The following SORBS2 variants were observed in gnomAD, a reference collection of about 807,000 sequenced individuals.
The protein encoded by SORBS2 is sorbin and SH3 domain containing 2.
In SORBS2, 46 loss-of-function variants were observed where a neutral mutation model predicts 97.7. The ratio of observed to expected loss-of-function variants is 0.47; its 90% CI spans 0.37 to 0.60. The LOEUF is 0.60. Among genes scored for constraint, SORBS2 ranks in the 20% least tolerant of loss-of-function variants. The pLI is 0.00. For missense variants in SORBS2, 1,316 were observed against 1,282.3 expected (o/e 1.03, Z -0.40); for synonymous variants, 476 against 473.4 (o/e 1.01, Z -0.07).
At chr4:185,876,589 T>C (rs574949344) in intron 1 of SORBS2, among the ~76,000 whole-genome samples, 17 of 152,248 alleles carry the variant, frequency 1.1e-4, no homozygotes, top group African/African-American at 3.9e-4. Context: ...AGAAAAGCAT[T>C]GGTTTAAGAT....
Position 185,607,294 on chromosome 4 carries a change from T to A in SORBS2, c.2796+4486A>T. On this transcript the variant is annotated intron_variant, in intron 12 of 14. Coordinates refer to ENST00000418609, the Ensembl canonical transcript of SORBS2. The surrounding 1 kb of genome is among the most constrained non-coding windows in gnomAD (Gnocchi z 5.2). ...GCCAGTTCCCTGGAGAGCTCCTTTA[T>A]CTGAGCCAGGTGAGACTTTGTGGGT... The A allele has an allele frequency of 1.6e-6, 2 of 1,284,248 alleles. No homozygotes were observed. The highest frequency in any genetic ancestry group is 1.0e-6 in the Non-Finnish European group (1 of 986,544). 79.6% of individuals were successfully genotyped at this position (1,284,248 alleles called of 1,614,324 possible). A position where few individuals can be genotyped will look rare whatever the true frequency, so the allele number is the denominator to read the frequency against.
At chr4:185,953,967 C>T (rs1351448947) in intron 1 of SORBS2, among the ~76,000 whole-genome samples, 3 of 152,228 alleles carry the variant, frequency 2.0e-5, no homozygotes, top group African/African-American at 7.2e-5. Context: ...GGGAGACGTC[C>T]TTTCTTTTGC....
intron 4 of SORBS2, chr4:185,666,034 G>C (rs543953057): frequency 2.3e-5 from 30 of 1,289,550 alleles, no homozygotes; most frequent in South Asian, 4.9e-5. Context: ...CACACCATCG[G>C]GGGGCGGAAG....
At chr4:185,790,497 C>T (rs1244705432) in intron 1 of SORBS2, among the ~76,000 whole-genome samples, 1 of 152,144 alleles carries the variant, frequency 6.6e-6, no homozygotes, top group Non-Finnish European at 1.5e-5. Flanking sequence ...TGAATAAGGA[C>T]TCTAAACTTC....
intron 2 of SORBS2, among the ~76,000 whole-genome samples, chr4:185,687,630 C>T (rs1040117172): frequency 4.6e-5 from 7 of 152,100 alleles, no homozygotes; most frequent in Non-Finnish European, 1.0e-4. Flanking sequence ...GAAGAAATTA[C>T]TGAGACATTA....
At chr4:185,843,115 G>C (rs1444851048) in intron 1 of SORBS2, among the ~76,000 whole-genome samples, 1 of 151,996 alleles carries the variant, frequency 6.6e-6, no homozygotes, top group African/African-American at 2.4e-5. Flanking sequence ...AGAAAGAACA[G>C]AGCACTGAGT....
chr4:185,597,045 C>T (rs940733064), intron 12 of SORBS2, among the ~76,000 whole-genome samples: 1 of 152,186 alleles, frequency 6.6e-6, no homozygotes, highest in Non-Finnish European at 1.5e-5. Context: ...TAACAAGAAT[C>T]ACCTCCATGT....
intron 1 of SORBS2, among the ~76,000 whole-genome samples, chr4:185,785,133 A>G (rs1448867064): frequency 2.6e-5 from 4 of 152,052 alleles, no homozygotes; most frequent in Admixed American, 6.5e-5. Flanking sequence ...TTTTAAATCT[A>G]AATTGAAGAT....
chr4:185,811,330 A>G (rs1286838657), intron 1 of SORBS2, among the ~76,000 whole-genome samples: 4 of 152,250 alleles, frequency 2.6e-5, no homozygotes, highest in Non-Finnish European at 5.9e-5. Context: ...GCAGGTCACG[A>G]AAGAATCCAT....
upstream of SORBS2, among the ~76,000 whole-genome samples, chr4:185,661,130 G>A (rs1211565196): frequency 6.6e-6 from 1 of 151,912 alleles, no homozygotes; most frequent in Non-Finnish European, 1.5e-5. Context: ...TACAAAATTA[G>A]CTGGGTGCGG....
chr4:185,788,076 G>A (rs1454090934), intron 1 of SORBS2, among the ~76,000 whole-genome samples: 1 of 152,188 alleles, frequency 6.6e-6, no homozygotes, highest in Non-Finnish European at 1.5e-5. Flanking sequence ...GGGCCTGCCG[G>A]GCTGTTCCGT....
In SORBS2 at chr4:185,751,172, T is replaced by TAAAAAAAAAAAAAAAAAAAAAAAAAAAAA. The variant is rs71593649; in HGVS notation, c.-198+24054_-198+24055insTTTTTTTTTTTTTTTTTTTTTTTTTTTTT. ...AAGGAATGCTCTTAGCTCTAAATAC[T>TAAAAAAAAAAAAAAAAAAAAAAAAAAAAA]AAAAAAAAAAAAAAAAAAAGAGAAA... On this transcript the variant is annotated intron_variant, in intron 2 of 20. Coordinates refer to the SORBS2 transcript ENST00000284776. Among the ~76,000 whole-genome samples the TAAAAAAAAAAAAAAAAAAAAAAAAAAAAA allele has an allele frequency of 8.8e-4, 28 of 31,704 alleles. 2 individuals are homozygous for TAAAAAAAAAAAAAAAAAAAAAAAAAAAAA. Among genetic ancestry groups the TAAAAAAAAAAAAAAAAAAAAAAAAAAAAA allele is most frequent in the Admixed American group, 1.7e-3 (5 of 2,950 alleles). The allele number at this position is 31,704 out of a possible 152,430, so 20.8% of individuals were successfully genotyped here.
At chr4:185,954,990 G>A (rs1391949930) in intron 1 of SORBS2, among the ~76,000 whole-genome samples, 1 of 151,972 alleles carries the variant, frequency 6.6e-6, no homozygotes, top group East Asian at 1.9e-4. Flanking sequence ...GTACCACCGG[G>A]CTAGCAATTT....
Position 185,623,520 on chromosome 4 carries a change from C to T in SORBS2, c.1609G>A (p.Glu537Lys), listed in dbSNP as rs756851819. The change falls in exon 7 of 15, where the codon GAA becomes AAA. Residue 537 changes from glutamate to lysine, a missense_variant. Coordinates refer to ENST00000418609, the Ensembl canonical transcript of SORBS2. The surrounding 1 kb of genome is among the most constrained non-coding windows in gnomAD (Gnocchi z 6.4). ...TGGTGGCTGGATCCGTAAAAGCTTT[C>T]GGAGGATGTGAAGGAAAAGTGATCA... 2 of 1,613,844 alleles carry T rather than the reference C, an allele frequency of 1.2e-6. No homozygotes were observed. The highest frequency in any genetic ancestry group is 1.3e-5 in the African/African-American group (1 of 74,952).
At chr4:185,621,820 T>G (rs1308149441) in intron 7 of SORBS2, among the ~76,000 whole-genome samples, 3 of 152,238 alleles carry the variant, frequency 2.0e-5, no homozygotes, top group Non-Finnish European at 4.4e-5. Context: ...TTCTGTTATC[T>G]ACTCTCTGTG....
At chr4:185,921,092 T>C (rs753494841) in intron 1 of SORBS2, among the ~76,000 whole-genome samples, 4 of 152,202 alleles carry the variant, frequency 2.6e-5, no homozygotes, top group Admixed American at 1.3e-4. Flanking sequence ...CCCTTCATGA[T>C]TAAAGAGCAG....
At chr4:185,792,273 C>T (rs2099083551) in intron 1 of SORBS2, among the ~76,000 whole-genome samples, 2 of 152,168 alleles carry the variant, frequency 1.3e-5, no homozygotes, top group Admixed American at 6.6e-5. Flanking sequence ...ATGGGAGGAT[C>T]ACCTGAGGTC....
upstream of SORBS2, among the ~76,000 whole-genome samples, chr4:185,658,082 G>A (rs1355753089): frequency 6.6e-6 from 1 of 152,138 alleles, no homozygotes; most frequent in South Asian, 2.1e-4. Context: ...ACAAAGACAT[G>A]ACTGTTGAGT....
At chr4:185,812,105 A>T (rs1056788750) in intron 1 of SORBS2, 2 of 152,240 alleles carry the variant, frequency 1.3e-5, no homozygotes, top group Non-Finnish European at 2.9e-5. Flanking sequence ...CGTGGCTGTG[A>T]TCATTGTATA....
Sources: gnomAD v4.1 joint callset for allele counts (sites outside exome capture counted in the v4.1 genomes callset) on GRCh38, gnomAD v4.1.1 for gene constraint, Gnocchi (gnomAD v3.1) non-coding constraint, MANE v1.5 for transcripts, NCBI Gene and HGNC (gene_info 2026-07-23, HGNC 2026-07-21) for gene names.